The following RAB6B variants were observed in gnomAD, a reference collection of about 807,000 sequenced individuals.
The protein encoded by RAB6B is RAB6B, member RAS oncogene family.
A neutral mutation model predicts 31.2 loss-of-function variants in RAB6B; 7 were observed. The ratio of observed to expected loss-of-function variants is 0.22; its 90% CI spans 0.13 to 0.42. RAB6B has a LOEUF of 0.42. Among genes scored for constraint, RAB6B ranks in the 10% least tolerant of loss-of-function variants. The pLI, the probability that RAB6B is intolerant of heterozygous loss-of-function variation, is 1.00. For missense variants in RAB6B, 149 were observed against 280.6 expected, an observed-to-expected ratio of 0.53 and a Z score of 3.35; for synonymous variants, 105 against 104.9, an observed-to-expected ratio of 1.00 and a Z score of -0.01.
chr3:133,887,968 CA>C (rs1230288053), intron 1 of RAB6B, among the ~76,000 whole-genome samples: 1 of 152,206 alleles, frequency 6.6e-6, no homozygotes, highest in Non-Finnish European at 1.5e-5. Flanking sequence ...CCAGCTCCAG[CA>C]GCTCCCACAC....
chr3:133,865,451 G>A (rs1936225140), intron 1 of RAB6B, among the ~76,000 whole-genome samples: 1 of 152,242 alleles, frequency 6.6e-6, no homozygotes, highest in South Asian at 2.1e-4. Flanking sequence ...CTGGGGCCTG[G>A]CAGTGACAGA....
At chr3:133,834,188 C>T (rs1428476529) in intron 7 of RAB6B, among the ~76,000 whole-genome samples, 1 of 152,132 alleles carries the variant, frequency 6.6e-6, no homozygotes. Context: ...CTTGAGTAGA[C>T]TGAACCACGT....
At chr3:133,854,709 A>G (rs1045640927) in intron 2 of RAB6B, among the ~76,000 whole-genome samples, 1 of 152,230 alleles carries the variant, frequency 6.6e-6, no homozygotes, top group Admixed American at 6.5e-5. Context: ...TGAACATGGT[A>G]TTAAACAGTA....
At chr3:133,877,715 T>A (rs887456709) in intron 1 of RAB6B, among the ~76,000 whole-genome samples, 2 of 150,044 alleles carry the variant, frequency 1.3e-5, no homozygotes, top group African/African-American at 4.9e-5. Context: ...AATTAGCAGA[T>A]AAAGATATTA....
intron 1 of RAB6B, among the ~76,000 whole-genome samples, chr3:133,869,788 C>T (rs1936290628): frequency 6.6e-6 from 1 of 152,184 alleles, no homozygotes; most frequent in African/African-American, 2.4e-5. Context: ...AGAAGGCCTA[C>T]AGGAGGGAGA....
intron 1 of RAB6B, among the ~76,000 whole-genome samples, chr3:133,887,900 T>C (rs1195639793): frequency 6.6e-6 from 1 of 152,124 alleles, no homozygotes; most frequent in Non-Finnish European, 1.5e-5. Flanking sequence ...CCCCATAGGC[T>C]CTATCAACTC....
At chr3:133,877,496 C>T (rs1489599634) in intron 1 of RAB6B, among the ~76,000 whole-genome samples, 1 of 152,064 alleles carries the variant, frequency 6.6e-6, no homozygotes, top group Non-Finnish European at 1.5e-5. Flanking sequence ...AATAATTAGC[C>T]ATACACTGAG....
At chr3:133,852,716 T>TG (rs959585410) in intron 2 of RAB6B, among the ~76,000 whole-genome samples, 17 of 152,148 alleles carry the variant, frequency 1.1e-4, no homozygotes, top group African/African-American at 3.4e-4. Context: ...AGGGCACAAG[T>TG]GATCCTTCCG....
At chr3:133,894,200 G>C (rs1281120116) in intron 1 of RAB6B, among the ~76,000 whole-genome samples, 1 of 152,226 alleles carries the variant, frequency 6.6e-6, no homozygotes, top group Non-Finnish European at 1.5e-5. Context: ...GGACTGGTCT[G>C]CAGAGGCAGA....
At chr3:133,840,589 T>G (rs964746469) in intron 4 of RAB6B, among the ~76,000 whole-genome samples, 2 of 152,140 alleles carry the variant, frequency 1.3e-5, no homozygotes, top group African/African-American at 4.8e-5. Context: ...TTGTGTGATT[T>G]TTAAGGCTGT....
At position 133,839,553 on chromosome 3, in the gene RAB6B, A is replaced by C; in HGVS notation, c.354T>G (p.Asp118Glu). Residue 118 changes from aspartate (D) to glutamate (E), a missense_variant, in exon 5 of 8, where the codon GAT (aspartate) becomes GAG (glutamate). Physicochemically the swap from Asp to Glu is conservative, Grantham distance 45. This residue lies in a region of RAB6B where 75 missense variants were observed against 180.1 expected (regional missense o/e 0.42). Transcript: ENST00000285208. ...IDDVRTERGS[D>E]VIIMLVGNKT... ...TGTTGCCCACCAGCATGATGATAACATCACTGCCCCTCTCTGTCCTGACGT... is the reference window on the plus strand; with the variant it reads ...TGTTGCCCACCAGCATGATGATAACCTCACTGCCCCTCTCTGTCCTGACGT... 6.2e-7 allele frequency: 1 copy of C among 1,614,192 alleles called. No homozygotes were observed. The highest frequency in any genetic ancestry group is 8.5e-7 in the Non-Finnish European group (1 of 1,180,030).
intron 2 of RAB6B, among the ~76,000 whole-genome samples, chr3:133,846,995 T>C (rs1227530251): frequency 6.6e-6 from 1 of 152,216 alleles, no homozygotes; most frequent in Non-Finnish European, 1.5e-5. Flanking sequence ...AATTAGAATC[T>C]TCAAGGCTGG....
Position 133,857,073 on chromosome 3 carries a change from T to C in RAB6B, c.129+7511A>G, listed in dbSNP as rs575911172. Among the ~76,000 whole-genome samples the C allele has an allele frequency of 2.6e-5, 4 of 152,310 alleles. No homozygotes were observed. The South Asian group carries it at 8.3e-4, about 32-fold the overall frequency. On this transcript the variant is annotated intron_variant, in intron 2 of 7. Transcript: ENST00000285208. The stretch of plus-strand genomic sequence containing the variant: ...CACAGCACAAGTGCACATGCAGGGA[T>C]GGTCGGGACACTGTGGAAAGTTGTC...
intron 7 of RAB6B, among the ~76,000 whole-genome samples, chr3:133,830,205 C>T (rs1935635939): frequency 6.6e-6 from 1 of 152,240 alleles, no homozygotes; most frequent in Non-Finnish European, 1.5e-5. Flanking sequence ...TATTGCTGGC[C>T]TGGGCACAGG....
intron 2 of RAB6B, among the ~76,000 whole-genome samples, chr3:133,843,068 C>T (rs531365352): frequency 5.3e-5 from 8 of 152,356 alleles, no homozygotes; most frequent in African/African-American, 1.7e-4. Context: ...ACTCCCAACT[C>T]GTTCCACAAA....
intron 5 of RAB6B, 70 bp downstream of exon 5, chr3:133,839,436 G>T: frequency 1.5e-6 from 2 of 1,343,850 alleles, no homozygotes; most frequent in Non-Finnish European, 2.1e-6. Flanking sequence ...GCATCCCAGA[G>T]CTCCCTGTCC....
intron 2 of RAB6B, among the ~76,000 whole-genome samples, chr3:133,854,759 A>G (rs557870681): frequency 2.5e-4 from 38 of 152,358 alleles, no homozygotes; most frequent in African/African-American, 8.7e-4. Context: ...ATGACAGTAC[A>G]TTACATGCTT....
rs578043833 is a variant in RAB6B, at chr3:133,895,781, G to A, written c.-315C>T. ...CGGCGCTGGGAGAGAGGCGCGGGCGGAGCGGGGCGCAGGGACGGCGCGCGG... is the reference window on the plus strand; with the variant it reads ...CGGCGCTGGGAGAGAGGCGCGGGCGAAGCGGGGCGCAGGGACGGCGCGCGG... On this transcript the variant is annotated 5_prime_UTR_variant, in exon 1 of 8. Coordinates refer to ENST00000285208, the MANE Select transcript of RAB6B (RefSeq NM_016577.4). The A allele has an allele frequency of 5.6e-6, 2 of 360,066 alleles. No individual in the cohort carries two copies. The highest frequency in any genetic ancestry group is 4.3e-5 in the African/African-American group (2 of 46,696). The allele number at this position is 360,066 out of a possible 1,614,324, so 22.3% of individuals were successfully genotyped here. A position where few individuals can be genotyped will look rare whatever the true frequency, so the allele number is the denominator to read the frequency against.
Position 133,895,635 on chromosome 3 carries a change from T to A in RAB6B, c.-169A>T. ...CTGCGTCCCGGTCCCGGCCTGCGGC[T>A]GCGTGTCCGGCGGCGGAGGAGGAGG... On this transcript the variant is annotated 5_prime_UTR_variant, in exon 1 of 8. Coordinates refer to ENST00000285208, the MANE Select transcript of RAB6B (RefSeq NM_016577.4). 1.6e-6 allele frequency: 1 copy of A among 631,202 alleles called. No homozygotes were observed. Among genetic ancestry groups the A allele is most frequent in the African/African-American group, 1.9e-5 (1 of 53,234 alleles). 39.1% of individuals were successfully genotyped at this position (631,202 alleles called of 1,614,324 possible). A position where few individuals can be genotyped will look rare whatever the true frequency, so the allele number is the denominator to read the frequency against.
Sources: allele counts gnomAD v4.1 joint callset (sites outside exome capture counted in the v4.1 genomes callset), GRCh38; gene constraint gnomAD v4.1.1; regional missense constraint gnomAD v4.1.1; transcripts MANE v1.5; gene names NCBI Gene and HGNC (gene_info 2026-07-23, HGNC 2026-07-21).